SLC9A9: variants seen among roughly 807,000 people sequenced by gnomAD.
The protein encoded by SLC9A9 is solute carrier family 9 member A9.
SLC9A9 carries 62 observed loss-of-function variants against 77.8 expected under a neutral mutation model. The ratio of observed to expected loss-of-function variants is 0.80; its 90% confidence interval spans 0.65 to 0.98. The LOEUF (loss-of-function observed/expected upper bound fraction) is 0.98. Among genes scored for constraint, SLC9A9 ranks in the 50% least tolerant of loss-of-function variants. The pLI is 0.00. For missense variants in SLC9A9, 775 were observed against 774.9 expected (o/e 1.00, Z 0.00); for synonymous variants, 320 against 283.5 (o/e 1.13, Z -1.29).
intron 1 of SLC9A9, among the ~76,000 whole-genome samples, chr3:143,834,574 T>TTG (rs1647266220): frequency 6.8e-6 from 1 of 146,902 alleles, no homozygotes; most frequent in South Asian, 2.1e-4. Flanking sequence ...AGGCACTCTT[T>TTG]TTTTTTTTTT....
chr3:143,637,396 A>G (rs1364064223), intron 6 of SLC9A9, among the ~76,000 whole-genome samples: 5 of 152,260 alleles, frequency 3.3e-5, no homozygotes, highest in African/African-American at 1.2e-4. Flanking sequence ...AAGCTTGACT[A>G]CATATCTTTT....
chr3:143,334,046 T>C (rs545481460), intron 14 of SLC9A9, among the ~76,000 whole-genome samples: 1 of 152,336 alleles, frequency 6.6e-6, no homozygotes, highest in South Asian at 2.1e-4. Flanking sequence ...CTACAATTGG[T>C]ACAAAGAGCA....
chr3:143,822,482 C>T (rs2009192259), intron 2 of SLC9A9, among the ~76,000 whole-genome samples: 1 of 152,152 alleles, frequency 6.6e-6, no homozygotes, highest in Non-Finnish European at 1.5e-5. Context: ...TCCATAACTC[C>T]AGGCAAGCTT....
chr3:143,674,811 G>T (rs952412499), intron 5 of SLC9A9, among the ~76,000 whole-genome samples: 1 of 152,074 alleles, frequency 6.6e-6, no homozygotes, highest in Non-Finnish European at 1.5e-5. Context: ...TTACATACAG[G>T]TTCTACCAGT....
intron 9 of SLC9A9, chr3:143,517,697 T>A: frequency 6.3e-7 from 1 of 1,597,614 alleles, no homozygotes; most frequent in South Asian, 1.1e-5. Flanking sequence ...TGAATCAGGA[T>A]TTATTTCAAT....
chr3:143,632,196 C>T (rs2038438209), intron 6 of SLC9A9, among the ~76,000 whole-genome samples: 5 of 152,138 alleles, frequency 3.3e-5, no homozygotes, highest in East Asian at 1.9e-4. Context: ...AGTGTTTGCC[C>T]GAAAGGTAGA....
chr3:143,437,372 C>T (rs939580326), intron 12 of SLC9A9, among the ~76,000 whole-genome samples: 1 of 152,228 alleles, frequency 6.6e-6, no homozygotes, highest in Non-Finnish European at 1.5e-5. Flanking sequence ...CTGCCCTGGT[C>T]CTTGGCCAGA....
chr3:143,355,339 T>C (rs1384657633), intron 14 of SLC9A9, among the ~76,000 whole-genome samples: 2 of 152,252 alleles, frequency 1.3e-5, no homozygotes, highest in Non-Finnish European at 2.9e-5. Context: ...CATGTGGCTA[T>C]CAGTAGGTAT....
Position 143,332,478 on chromosome 3 carries a change from A to G in SLC9A9, c.1604+31006T>C, listed in dbSNP as rs146257179. On this transcript the variant is annotated intron_variant, in intron 14 of 15. Transcript: ENST00000316549. ...GAACCGGTGCACTGGAGAATGAATT[A>G]GAGTGGGGAGAATCTTGAATCAGGA... 1.4e-3 allele frequency among the ~76,000 whole-genome samples: 213 copies of G among 152,380 alleles called. 1 individual carries two copies. The highest frequency in any genetic ancestry group is 4.7e-3 in the African/African-American group (196 of 41,594).
chr3:143,820,948 T>C (rs1458288682), intron 2 of SLC9A9, among the ~76,000 whole-genome samples: 2 of 151,828 alleles, frequency 1.3e-5, no homozygotes, highest in African/African-American at 4.8e-5. Context: ...TTTCAGACCT[T>C]AGCTTTGAGG....
At chr3:143,379,414 A>G (rs1184238641) in intron 13 of SLC9A9, among the ~76,000 whole-genome samples, 2 of 152,206 alleles carry the variant, frequency 1.3e-5, no homozygotes, top group Admixed American at 1.3e-4. Flanking sequence ...ATCAGAGCCC[A>G]CTGTTTCCTG....
intron 5 of SLC9A9, among the ~76,000 whole-genome samples, chr3:143,682,772 A>C (rs9844600): frequency 0.86 from 130,206 of 152,132 alleles, 56,448 homozygotes; most frequent in South Asian, 0.94. Context: ...CCCTTCCTCC[A>C]TCTTCAAAGT....
Position 143,545,261 on chromosome 3 carries a change from A to C in SLC9A9, c.1089+7101T>G, listed in dbSNP as rs536199827. Among the ~76,000 whole-genome samples the C allele has an allele frequency of 7.9e-5, 12 of 152,318 alleles. No homozygotes were observed. In the East Asian group the frequency reaches 2.3e-3, roughly 29 times the overall value. ...ACCCAAACTCCAAAACACCCAACCC[A>C]AAAACCAGCTTCTCATGAAAACCTT... On this transcript the variant is annotated intron_variant, in intron 9 of 15. Transcript: ENST00000316549.
chr3:143,517,155 T>C (rs2036214804), intron 9 of SLC9A9: 3 of 1,549,944 alleles, frequency 1.9e-6, no homozygotes, highest in South Asian at 2.2e-5. Flanking sequence ...GACAATTTAC[T>C]GATGAGATTC....
intron 8 of SLC9A9, among the ~76,000 whole-genome samples, chr3:143,569,323 G>T (rs2037221211): frequency 6.6e-6 from 1 of 151,364 alleles, no homozygotes; most frequent in South Asian, 2.1e-4. Flanking sequence ...AACATTCGGT[G>T]GAACAATGGA....
chr3:143,688,578 A>G (rs1268434886), intron 5 of SLC9A9, among the ~76,000 whole-genome samples: 1 of 152,098 alleles, frequency 6.6e-6, no homozygotes, highest in Non-Finnish European at 1.5e-5. Flanking sequence ...CCATGCTTCC[A>G]GTGGCTGCCA....
chr3:143,540,635 AATAC>A lies in SLC9A9; in HGVS notation c.1089+11723_1089+11726del, dbSNP rs1311214038. Among the ~76,000 whole-genome samples the A allele has an allele frequency of 2.6e-5, 4 of 152,198 alleles. No individual in the cohort carries two copies. In the South Asian group the frequency reaches 6.2e-4, roughly 24 times the overall value. ...TTTCATAAATTTAATAAAAGGGGAA[AATAC>A]ATGCATGCAATTTTCTGTAAGAAAA... On this transcript the variant is annotated intron_variant, in intron 9 of 15. Transcript: ENST00000316549.
chr3:143,425,973 CTT>C (rs34690704), intron 12 of SLC9A9, among the ~76,000 whole-genome samples: 21 of 147,446 alleles, frequency 1.4e-4, no homozygotes, highest in South Asian at 8.6e-4. Context: ...GCCACAATGG[CTT>C]TTTTTTTTTT....
Position 143,265,744 on chromosome 3 carries a change from T to C in SLC9A9, c.*958A>G, listed in dbSNP as rs1020829998. ...GCTCCTCAGTGTAACCCACACATCA[T>C]TGGCTCTGTTCCTCTCGCCCTGCTC... On this transcript the variant is annotated 3_prime_UTR_variant, in exon 16 of 16. Transcript: ENST00000316549. 5.3e-5 allele frequency: 25 copies of C among 467,640 alleles called. No homozygotes were observed. The highest frequency in any genetic ancestry group is 3.0e-4 in the African/African-American group (15 of 50,218). The allele number at this position is 467,640 out of a possible 1,614,324, so 29.0% of individuals were successfully genotyped here. A position where few individuals can be genotyped will look rare whatever the true frequency, so the allele number is the denominator to read the frequency against.
Sources: allele counts gnomAD v4.1 joint callset (sites outside exome capture counted in the v4.1 genomes callset), GRCh38; gene constraint gnomAD v4.1.1; transcripts MANE v1.5; gene names NCBI Gene and HGNC (gene_info 2026-07-23, HGNC 2026-07-21).